Variants in PRKN observed in about 807,000 individuals in gnomAD.
PRKN encodes the protein parkin RBR E3 ubiquitin protein ligase.
A neutral mutation model predicts 59.5 loss-of-function variants in PRKN; 56 were observed. The observed-to-expected ratio is 0.94, with a 90% confidence interval of 0.76 to 1.18. PRKN has a LOEUF of 1.18. PRKN is among the 50% of genes most tolerant of loss of function. PRKN has a pLI of 0.00. For missense variants in PRKN, 657 were observed against 596.4 expected (o/e 1.10, Z -1.06); for synonymous variants, 250 against 222.1 (o/e 1.13, Z -1.12).
chr6:161,815,079 T>C (rs1398697872), intron 6 of PRKN, among the ~76,000 whole-genome samples: 1 of 152,214 alleles, frequency 6.6e-6, no homozygotes, highest in East Asian at 1.9e-4. Flanking sequence ...GAACTAAGTC[T>C]AGGGAACAGA....
intron 9 of PRKN, among the ~76,000 whole-genome samples, chr6:161,425,832 C>T (rs1788325564): frequency 6.6e-6 from 1 of 152,092 alleles, no homozygotes; most frequent in Non-Finnish European, 1.5e-5. Context: ...ATCAGTAATT[C>T]CCCCCATATT....
chr6:161,629,406 G>A (rs930296347), intron 7 of PRKN, among the ~76,000 whole-genome samples: 1 of 152,034 alleles, frequency 6.6e-6, no homozygotes, highest in African/African-American at 2.4e-5. Context: ...CCTGCACCCC[G>A]GCAGTTGCTG....
chr6:162,669,032 A>G (rs1031238604), intron 1 of PRKN, among the ~76,000 whole-genome samples: 3 of 152,150 alleles, frequency 2.0e-5, no homozygotes, highest in Non-Finnish European at 2.9e-5. Context: ...GAGGTTAAAC[A>G]ATTTGCCTAA....
rs752475389 is a variant in PRKN, at chr6:162,235,857, GAA to G, written c.412+26666_412+26667del. On this transcript the variant is annotated intron_variant, in intron 3 of 11. Transcript: ENST00000366898. ...GGGAGGGAGGAAAGGAGGGAGGAAAGAAAGAAAAAGACGGAAAGAAAGAGAGA... is the reference window on the plus strand; with the variant it reads ...GGGAGGGAGGAAAGGAGGGAGGAAAGAGAAAAAGACGGAAAGAAAGAGAGA... 3.4e-4 allele frequency among the ~76,000 whole-genome samples: 51 copies of G among 147,900 alleles called. No homozygotes were observed. In the East Asian group the frequency reaches 9.6e-3, roughly 28 times the overall value.
intron 9 of PRKN, among the ~76,000 whole-genome samples, chr6:161,412,165 T>G (rs1787596737): frequency 6.9e-6 from 1 of 144,444 alleles, no homozygotes; most frequent in South Asian, 2.3e-4. Context: ...ATTCTTCCAC[T>G]CACTCATTCC....
chr6:161,837,918 T>C (rs2128220011), intron 6 of PRKN, among the ~76,000 whole-genome samples: 1 of 152,342 alleles, frequency 6.6e-6, no homozygotes, highest in Non-Finnish European at 1.5e-5. Flanking sequence ...AATAGGTCTT[T>C]CTGTCATTTC....
At chr6:162,385,547 A>G (rs555161321) in intron 2 of PRKN, among the ~76,000 whole-genome samples, 1 of 152,144 alleles carries the variant, frequency 6.6e-6, no homozygotes, top group East Asian at 1.9e-4. Flanking sequence ...CATCCCAAAC[A>G]TCAAATGTGA....
At chr6:161,993,595 G>A (rs1355138166) in intron 5 of PRKN, among the ~76,000 whole-genome samples, 3 of 152,166 alleles carry the variant, frequency 2.0e-5, no homozygotes, top group Non-Finnish European at 4.4e-5. Flanking sequence ...TGCATTCTAC[G>A]TGGCCAGCAT....
chr6:162,160,537 T>C (rs997155890), intron 4 of PRKN, among the ~76,000 whole-genome samples: 1 of 152,144 alleles, frequency 6.6e-6, no homozygotes, highest in African/African-American at 2.4e-5. Context: ...TATACACTTA[T>C]AGCACTGTGT....
intron 1 of PRKN, among the ~76,000 whole-genome samples, chr6:162,683,209 A>G (rs1584042160): frequency 6.6e-6 from 1 of 152,280 alleles, no homozygotes; most frequent in South Asian, 2.1e-4. Context: ...ATGCTGTCCA[A>G]AAGAGTAATC....
chr6:162,471,287 G>T (rs1384443198), intron 1 of PRKN, among the ~76,000 whole-genome samples: 2 of 151,540 alleles, frequency 1.3e-5, no homozygotes, highest in African/African-American at 4.9e-5. Context: ...TAGTAGAGAT[G>T]GGTTTTCACC....
chr6:161,758,738 A>G (rs745837454), intron 7 of PRKN, among the ~76,000 whole-genome samples: 6 of 152,228 alleles, frequency 3.9e-5, no homozygotes, highest in Non-Finnish European at 5.9e-5. Flanking sequence ...TAGATCAGGA[A>G]GTCAAAGCTC....
intron 6 of PRKN, among the ~76,000 whole-genome samples, chr6:161,859,434 C>G (rs1325598929): frequency 6.6e-6 from 1 of 151,648 alleles, no homozygotes; most frequent in African/African-American, 2.4e-5. Context: ...GAAACTCCAT[C>G]TCTACTAAAA....
chr6:162,054,261 A>T, intron 4 of PRKN, 87 bp from the exon 5 acceptor site: 1 of 865,750 alleles, frequency 1.2e-6, no homozygotes, highest in Non-Finnish European at 1.9e-6. Flanking sequence ...GTTATAAAAT[A>T]ATAGTGAAAT....
At chr6:161,763,772 G>A (rs1204239698) in intron 7 of PRKN, among the ~76,000 whole-genome samples, 3 of 151,852 alleles carry the variant, frequency 2.0e-5, no homozygotes, top group Admixed American at 6.6e-5. Flanking sequence ...TACCACTCAC[G>A]AGCATTTGTG....
chr6:162,238,875 C>T (rs1255708459), intron 3 of PRKN, among the ~76,000 whole-genome samples: 5 of 152,274 alleles, frequency 3.3e-5, no homozygotes, highest in East Asian at 1.9e-4. Flanking sequence ...TGCCGAGGCA[C>T]GGGCCACGTG....
At chr6:162,173,256 C>T (rs1783371162) in intron 4 of PRKN, among the ~76,000 whole-genome samples, 1 of 152,112 alleles carries the variant, frequency 6.6e-6, no homozygotes, top group South Asian at 2.1e-4. Flanking sequence ...CAGTCATTGC[C>T]CCCAGATTCA....
rs771353933 is a variant in PRKN at position 161,386,785 on chromosome 6, A to T, written c.1167+9T>A. 1.7e-5 allele frequency: 27 copies of T among 1,602,480 alleles called. No individual in the cohort carries two copies. Among genetic ancestry groups the T allele is most frequent in the Non-Finnish European group, 2.2e-5 (26 of 1,169,528 alleles). On this transcript the variant is annotated intron_variant, in intron 10 of 11. Transcript: ENST00000366898. This position sits in a 1 kb window ranked among gnomAD's most constrained non-coding sequence, Gnocchi z 4.3. ...CCCTGCTTGGAGGAATGAGTAGGGC[A>T]TTCTGTACCTGAGTAGTTGTTCCTG...
intron 1 of PRKN, among the ~76,000 whole-genome samples, chr6:162,538,824 A>C (rs1344140398): frequency 6.6e-6 from 1 of 152,204 alleles, no homozygotes; most frequent in East Asian, 1.9e-4. Flanking sequence ...GCTGGGGAAA[A>C]GGCACATTAA....
Sources: allele counts gnomAD v4.1 joint callset (sites outside exome capture counted in the v4.1 genomes callset), GRCh38; gene constraint gnomAD v4.1.1; non-coding constraint Gnocchi (gnomAD v3.1); transcripts MANE v1.5; gene names NCBI Gene and HGNC (gene_info 2026-07-23, HGNC 2026-07-21).